The following ZFPM2 variants were observed in gnomAD, a reference collection of about 807,000 sequenced individuals.
ZFPM2 encodes zinc finger protein ZFPM2.
ZFPM2 carries 20 observed loss-of-function variants against 98.6 expected under a neutral mutation model. The ratio of observed to expected loss-of-function variants is 0.20; its 90% CI spans 0.14 to 0.29. ZFPM2 has a LOEUF of 0.29. Among genes scored for constraint, ZFPM2 ranks in the 10% least tolerant of loss-of-function variants. The probability of loss-of-function intolerance (pLI) is 1.00; values close to 1 mark genes in which losing one functional copy is unlikely to be tolerated. For missense variants in ZFPM2, 1,310 were observed against 1,388.6 expected (o/e 0.94, Z 0.90); for synonymous variants, 518 against 502.7 (o/e 1.03, Z -0.41).
chr8:105,337,247 G>T (rs964841179), intron 1 of ZFPM2, among the ~76,000 whole-genome samples: 3 of 151,730 alleles, frequency 2.0e-5, no homozygotes, highest in Non-Finnish European at 4.4e-5. Flanking sequence ...GAGACTGGGG[G>T]TGGGGCAAGA....
intron 3 of ZFPM2, among the ~76,000 whole-genome samples, chr8:105,459,311 G>T (rs1414053041): frequency 1.3e-5 from 2 of 152,102 alleles, no homozygotes; most frequent in South Asian, 2.1e-4. Flanking sequence ...TCCAAACTGG[G>T]TGTGTGTGTG....
intron 4 of ZFPM2, among the ~76,000 whole-genome samples, chr8:105,594,936 T>C (rs542810981): frequency 1.3e-5 from 2 of 152,248 alleles, no homozygotes; most frequent in African/African-American, 4.8e-5. Flanking sequence ...AACTATAGTA[T>C]CATAAGATGA....
intron 5 of ZFPM2, among the ~76,000 whole-genome samples, chr8:105,636,310 C>G (rs796444241): frequency 1.1e-4 from 17 of 152,216 alleles, no homozygotes; most frequent in African/African-American, 3.4e-4. Context: ...TTGCAATAAA[C>G]AACTTAGAGT....
At chr8:105,470,366 A>G (rs970939031) in intron 3 of ZFPM2, among the ~76,000 whole-genome samples, 3 of 152,192 alleles carry the variant, frequency 2.0e-5, no homozygotes, top group Non-Finnish European at 4.4e-5. Context: ...AAAATGGACC[A>G]AAACTATGTC....
At chr8:105,597,990 T>G (rs2130778194) in intron 4 of ZFPM2, among the ~76,000 whole-genome samples, 1 of 152,074 alleles carries the variant, frequency 6.6e-6, no homozygotes, top group East Asian at 1.9e-4. Context: ...CCAATCCTGT[T>G]GTTCTGCTGC....
intron 5 of ZFPM2, among the ~76,000 whole-genome samples, chr8:105,761,536 T>G (rs1365267812): frequency 6.6e-6 from 1 of 151,998 alleles, no homozygotes; most frequent in Non-Finnish European, 1.5e-5. Flanking sequence ...GTACATAGAC[T>G]ATGTATTTAT....
chr8:105,733,530 G>T (rs1269173504), intron 5 of ZFPM2, among the ~76,000 whole-genome samples: 1 of 151,754 alleles, frequency 6.6e-6, no homozygotes, highest in Non-Finnish European at 1.5e-5. Context: ...ATTCCAAAAA[G>T]TTCACAGTGT....
intron 3 of ZFPM2, among the ~76,000 whole-genome samples, chr8:105,489,415 ATATC>A (rs1306486306): frequency 6.8e-6 from 1 of 146,048 alleles, no homozygotes; most frequent in Non-Finnish European, 1.5e-5. Flanking sequence ...ATTTATAGAT[ATATC>A]TTTTATATAT....
rs1362523623 is a variant in ZFPM2 at position 105,319,079 on chromosome 8, G to T, written c.40+98G>T. 9.6e-6 allele frequency: 13 copies of T among 1,358,266 alleles called. No homozygotes were observed. In the African/African-American group the frequency reaches 1.6e-4, roughly 17 times the overall value. 84.1% of individuals were successfully genotyped at this position (1,358,266 alleles called of 1,614,324 possible). ...GTGGGTGGGTGGCGGGGCTAGGGGA[G>T]ATCCGCTCCCGGTCCCCTAGATGTC... On this transcript the variant is annotated intron_variant, in intron 1 of 7. Coordinates refer to ENST00000407775, the MANE Select transcript of ZFPM2 (RefSeq NM_012082.4).
intron 5 of ZFPM2, among the ~76,000 whole-genome samples, chr8:105,771,094 T>C (rs1012198646): frequency 2.6e-5 from 4 of 152,170 alleles, no homozygotes; most frequent in African/African-American, 9.6e-5. Context: ...TTTGTCCAAG[T>C]CAGTGTTTCC....
chr8:105,803,418 C>G lies in ZFPM2; in HGVS notation c.3336C>G (p.Ser1112Arg). The stretch of plus-strand genomic sequence containing the variant: ...TAGCAAAAGGTGTGAATGGTTCCAG[C>G]CAGGCTCCAACCAGTGGGAAATATT... ...SSIAKGVNGSSQAPTSGKYCR... is the reference protein window; with the variant it reads ...SSIAKGVNGSRQAPTSGKYCR... The change falls in exon 8 of 8, where the codon AGC becomes AGG. Residue 1112 changes from serine (S) to arginine (R), a missense_variant. By Grantham distance (110) the Ser-to-Arg change is moderately radical (BLOSUM62 -1). Coordinates refer to ENST00000407775, the MANE Select transcript of ZFPM2 (RefSeq NM_012082.4). The G allele has an allele frequency of 6.2e-7, 1 of 1,613,844 alleles. No individual in the cohort carries two copies. Among genetic ancestry groups the G allele is most frequent in the Non-Finnish European group, 8.5e-7 (1 of 1,179,824 alleles).
chr8:105,350,667 C>T (rs1812623485), intron 1 of ZFPM2, among the ~76,000 whole-genome samples: 2 of 152,106 alleles, frequency 1.3e-5, no homozygotes, highest in African/African-American at 4.8e-5. Flanking sequence ...AATAAGGTGT[C>T]ATCTTAATGG....
chr8:105,571,993 C>T (rs1301986855), intron 4 of ZFPM2, among the ~76,000 whole-genome samples: 12 of 148,556 alleles, frequency 8.1e-5, no homozygotes, highest in Admixed American at 6.0e-4. Flanking sequence ...TGTGTTGATG[C>T]TGTGTGGTGG....
At chr8:105,706,998 T>C (rs1402398736) in intron 5 of ZFPM2, among the ~76,000 whole-genome samples, 1 of 152,112 alleles carries the variant, frequency 6.6e-6, no homozygotes, top group Non-Finnish European at 1.5e-5. Flanking sequence ...CCCAGGACTT[T>C]GGAAGGCCAA....
chr8:105,629,079 C>T lies in ZFPM2; in HGVS notation c.421-5167C>T, dbSNP rs138821343. Among the ~76,000 whole-genome samples, 476 of 152,314 alleles carry T rather than the reference C, an allele frequency of 3.1e-3. 3 individuals carry two copies. Among genetic ancestry groups the T allele is most frequent in the Non-Finnish European group, 5.1e-3 (348 of 68,032 alleles). ...TTCCTGCCGGCACTAAAGCATCTGG[C>T]TGCTTCCTGCACCTGCTCACCTGTG... On this transcript the variant is annotated intron_variant, in intron 4 of 7. Coordinates refer to ENST00000407775, the MANE Select transcript of ZFPM2 (RefSeq NM_012082.4).
chr8:105,433,783 T>C (rs1250495529), intron 2 of ZFPM2, among the ~76,000 whole-genome samples: 1 of 152,062 alleles, frequency 6.6e-6, no homozygotes, highest in East Asian at 1.9e-4. Flanking sequence ...CGAGACTCCA[T>C]CTCAAAAAGA....
intron 3 of ZFPM2, among the ~76,000 whole-genome samples, chr8:105,466,785 T>A (rs1445832021): frequency 6.6e-6 from 1 of 152,098 alleles, no homozygotes; most frequent in African/African-American, 2.4e-5. Context: ...ATTTTTTTTT[T>A]TAATTTTGAG....
chr8:105,774,298 T>C (rs1347161993), intron 5 of ZFPM2, among the ~76,000 whole-genome samples: 1 of 152,148 alleles, frequency 6.6e-6, no homozygotes, highest in African/African-American at 2.4e-5. Flanking sequence ...GCAGAATCTC[T>C]TAGAAAAATG....
intron 4 of ZFPM2, among the ~76,000 whole-genome samples, chr8:105,626,094 G>C (rs1392330601): frequency 6.6e-6 from 1 of 151,960 alleles, no homozygotes; most frequent in East Asian, 1.9e-4. Flanking sequence ...ACTTTCAAAA[G>C]CTTAACTTAC....
Sources: gnomAD v4.1 joint callset for allele counts (sites outside exome capture counted in the v4.1 genomes callset) on GRCh38, gnomAD v4.1.1 for gene constraint, MANE v1.5 for transcripts, NCBI Gene and HGNC (gene_info 2026-07-23, HGNC 2026-07-21) for gene names.